The following CTNNA3 variants were observed in gnomAD, a reference collection of about 807,000 sequenced individuals.
CTNNA3 encodes the protein catenin alpha-3.
A neutral mutation model predicts 95.7 loss-of-function variants in CTNNA3; 76 were observed. The ratio of observed to expected loss-of-function variants is 0.79; its 90% CI spans 0.66 to 0.96. CTNNA3 has a LOEUF of 0.96. Ranked by LOEUF, CTNNA3 falls within the 40% of genes least tolerant of loss-of-function variation. The pLI, the probability that CTNNA3 is intolerant of heterozygous loss-of-function variation, is 0.00. For synonymous variants in CTNNA3, 431 were observed against 374.4 expected, an observed-to-expected ratio of 1.15 and a Z score of -1.74; for missense variants, 1,191 against 1,089.8, an observed-to-expected ratio of 1.09 and a Z score of -1.31.
chr10:67,608,843 C>A (rs898904490), intron 2 of CTNNA3, among the ~76,000 whole-genome samples: 3 of 152,074 alleles, frequency 2.0e-5, no homozygotes, highest in African/African-American at 4.8e-5. Context: ...ATAATCCTAG[C>A]ACTCTGGGAG....
At chr10:66,013,235 T>C (rs1158857505) in intron 15 of CTNNA3, among the ~76,000 whole-genome samples, 2 of 152,176 alleles carry the variant, frequency 1.3e-5, no homozygotes, top group Non-Finnish European at 2.9e-5. Flanking sequence ...GCATGTATAT[T>C]ATTTTCATGA....
chr10:67,523,726 C>G (rs1321257454), intron 4 of CTNNA3, among the ~76,000 whole-genome samples: 1 of 152,116 alleles, frequency 6.6e-6, no homozygotes, highest in Non-Finnish European at 1.5e-5. Flanking sequence ...TTAAACACAG[C>G]CAAAATCAGT....
At chr10:67,560,160 A>G (rs537780430) in intron 3 of CTNNA3, among the ~76,000 whole-genome samples, 73 of 152,292 alleles carry the variant, frequency 4.8e-4, no homozygotes, top group African/African-American at 1.7e-3. Flanking sequence ...CTCCTCGAGA[A>G]GAGCAACTCC....
chr10:67,198,035 T>C lies in CTNNA3; in HGVS notation c.844-17515A>G, dbSNP rs1026819286. ...TCTGTATCTACAATGGTCAACACAG[T>C]AGCTACTCAACATCTGAAATTTGGA... is the stretch of plus-strand genomic sequence containing the variant. On this transcript the variant is annotated intron_variant, in intron 6 of 17. Coordinates refer to ENST00000433211, the MANE Select transcript of CTNNA3 (RefSeq NM_013266.4). Among the ~76,000 whole-genome samples the C allele has an allele frequency of 6.4e-4, 98 of 152,278 alleles. 2 individuals are homozygous for C. The highest frequency in any genetic ancestry group is 2.3e-3 in the African/African-American group (94 of 41,582).
At chr10:66,149,302 TAAGG>T (rs564302634) in intron 13 of CTNNA3, among the ~76,000 whole-genome samples, 80 of 149,956 alleles carry the variant, frequency 5.3e-4, no homozygotes, top group African/African-American at 1.9e-3. Context: ...TATTTAAATA[TAAGG>T]AATGTTCATT....
At chr10:66,858,028 G>A (rs201503103) in intron 7 of CTNNA3, among the ~76,000 whole-genome samples, 22 of 152,074 alleles carry the variant, frequency 1.4e-4, no homozygotes, top group Non-Finnish European at 2.9e-4. Context: ...TCAGTATGAC[G>A]TTGGCTGTAG....
At position 67,572,782 on chromosome 10, in the gene CTNNA3, G is replaced by A. The variant is rs115089530; in HGVS notation, c.293-33113C>T. Among the ~76,000 whole-genome samples, 1,504 of 152,184 alleles carry A rather than the reference G, an allele frequency of 9.9e-3. 25 individuals are homozygous for A. Among genetic ancestry groups the A allele is most frequent in the African/African-American group, 0.034 (1,428 of 41,532 alleles). On this transcript the variant is annotated intron_variant, in intron 3 of 17. Coordinates refer to ENST00000433211, the MANE Select transcript of CTNNA3 (RefSeq NM_013266.4). ...AGACTTCTAGATTAGGTGCCCCAAG[G>A]AGAATTTTATGATCGAAAGCTATGT...
At chr10:66,897,176 T>C (rs1228177320) in intron 7 of CTNNA3, among the ~76,000 whole-genome samples, 1 of 152,190 alleles carries the variant, frequency 6.6e-6, no homozygotes, top group Non-Finnish European at 1.5e-5. Flanking sequence ...TGTTATAATA[T>C]ATTATTCCTA....
chr10:66,015,010 G>A (rs2079066856), intron 15 of CTNNA3, among the ~76,000 whole-genome samples: 1 of 151,974 alleles, frequency 6.6e-6, no homozygotes, highest in South Asian at 2.1e-4. Context: ...GGCTGAAGCA[G>A]GAGAATTGCT....
intron 2 of CTNNA3, among the ~76,000 whole-genome samples, chr10:67,623,491 G>C (rs1463934875): frequency 2.6e-5 from 4 of 152,092 alleles, no homozygotes; most frequent in Non-Finnish European, 5.9e-5. Flanking sequence ...CTTCATAGGA[G>C]CCAGGCAGGA....
chr10:67,189,142 C>CAA (rs202123310), intron 6 of CTNNA3, among the ~76,000 whole-genome samples: 13,741 of 138,790 alleles, frequency 0.099, 742 homozygotes, highest in South Asian at 0.17. Context: ...ACAACAACAA[C>CAA]AAAAAAAAAA....
At chr10:66,686,309 A>G (rs1035220359) in intron 9 of CTNNA3, among the ~76,000 whole-genome samples, 7 of 150,234 alleles carry the variant, frequency 4.7e-5, no homozygotes, top group African/African-American at 1.7e-4. Context: ...TACAAAAAAT[A>G]TGAAAACTAG....
At chr10:66,706,108 T>C (rs1445756950) in intron 9 of CTNNA3, among the ~76,000 whole-genome samples, 1 of 152,060 alleles carries the variant, frequency 6.6e-6, no homozygotes, top group African/African-American at 2.4e-5. Context: ...CAGTATTTCA[T>C]ACATCATCAG....
At chr10:67,487,579 A>T (rs1394823183) in intron 5 of CTNNA3, among the ~76,000 whole-genome samples, 1 of 152,226 alleles carries the variant, frequency 6.6e-6, no homozygotes, top group African/African-American at 2.4e-5. Context: ...TTTAAAATCT[A>T]AAATTAAGCC....
At chr10:67,706,006 A>G (rs1841076807) in intron 1 of CTNNA3, among the ~76,000 whole-genome samples, 1 of 152,110 alleles carries the variant, frequency 6.6e-6, no homozygotes, top group African/African-American at 2.4e-5. Flanking sequence ...TGAAGCAGAA[A>G]GCAGGTGCTT....
intron 2 of CTNNA3, among the ~76,000 whole-genome samples, chr10:67,613,450 G>A (rs923314928): frequency 6.6e-6 from 1 of 151,974 alleles, no homozygotes; most frequent in South Asian, 2.1e-4. Flanking sequence ...ATTCATACGA[G>A]GTTACCAAAA....
In CTNNA3 at chr10:65,967,008, G is replaced by A. The variant is rs190026123; in HGVS notation, c.2266-262C>T. On this transcript the variant is annotated intron_variant, in intron 16 of 17. Transcript: ENST00000433211. ...GTCTCGCTCTGTTGCCCAGGCTGGA[G>A]TGCAGTGGCAAGATCTTGGCTCACT... Among the ~76,000 whole-genome samples, 243 of 152,248 alleles carry A rather than the reference G, an allele frequency of 1.6e-3. 1 individual carries two copies. Among genetic ancestry groups the A allele is most frequent in the Admixed American group, 2.9e-3 (45 of 15,292 alleles).
chr10:66,717,730 T>C (rs1190506149), intron 9 of CTNNA3, among the ~76,000 whole-genome samples: 1 of 152,126 alleles, frequency 6.6e-6, no homozygotes, highest in African/African-American at 2.4e-5. Flanking sequence ...CTTAATCACC[T>C]CTCTCACAGC....
At chr10:66,374,639 G>A (rs1452350744) in intron 12 of CTNNA3, among the ~76,000 whole-genome samples, 4 of 122,996 alleles carry the variant, frequency 3.3e-5, no homozygotes, top group African/African-American at 1.3e-4. Flanking sequence ...TTTTGAGACG[G>A]AGTCTCGCTC....
Sources: allele counts gnomAD v4.1 joint callset (sites outside exome capture counted in the v4.1 genomes callset), GRCh38; gene constraint gnomAD v4.1.1; transcripts MANE v1.5; gene names NCBI Gene and HGNC (gene_info 2026-07-23, HGNC 2026-07-21).